The following CDC16 variants were observed in gnomAD, a reference collection of about 807,000 sequenced individuals.
CDC16 encodes cell division cycle protein 16 homolog.
Under a neutral mutation model 87.0 loss-of-function variants are expected in CDC16, and 34 were observed. The ratio of observed to expected loss-of-function variants is 0.39; its 90% confidence interval spans 0.30 to 0.52. The LOEUF (loss-of-function observed/expected upper bound fraction) is 0.52, where lower values mean the gene tolerates loss of function less well. Ranked by LOEUF, CDC16 falls within the 20% of genes least tolerant of loss-of-function variation. The pLI is 0.74. For synonymous variants in CDC16, 263 were observed against 260.6 expected (o/e 1.01, Z -0.09); for missense variants, 653 against 751.9 (o/e 0.87, Z 1.54).
In CDC16 at chr13:114,272,438, A is replaced by G; in HGVS notation, c.1858A>G (p.Thr620Ala). ...AGAGACATCTATGTCAGACCACAGC[A>G]CGTGACTCCAGTCAGTGGTCCTGGT... ...MLETSMSDHS[T>A] The change falls in exon 18 of 18, where the codon ACG becomes GCG. Residue 620 changes from threonine to alanine, a missense_variant. Thr to Ala is a moderately conservative substitution (Grantham distance 58). Transcript: ENST00000356221. 3 of 1,613,598 alleles carry G rather than the reference A, an allele frequency of 1.9e-6. No individual in the cohort carries two copies. The highest frequency in any genetic ancestry group is 2.5e-6 in the Non-Finnish European group (3 of 1,179,584).
intron 5 of CDC16, among the ~76,000 whole-genome samples, chr13:114,240,143 A>G (rs771077581): frequency 3.9e-5 from 6 of 152,074 alleles, no homozygotes; most frequent in Non-Finnish European, 7.4e-5. Flanking sequence ...ATTTTAGAAT[A>G]TTTTTATTAT....
intron 11 of CDC16, among the ~76,000 whole-genome samples, chr13:114,247,743 A>C (rs979758875): frequency 1.3e-5 from 2 of 152,050 alleles, no homozygotes; most frequent in Non-Finnish European, 2.9e-5. Context: ...CAGATATAGT[A>C]GTGGGCATCT....
At chr13:114,248,824 G>A (rs2082003534) in intron 11 of CDC16, among the ~76,000 whole-genome samples, 2 of 152,064 alleles carry the variant, frequency 1.3e-5, no homozygotes, top group African/African-American at 2.4e-5. Flanking sequence ...CATTTTAGAA[G>A]AACTTCTACA....
At chr13:114,250,058 C>T (rs936257910) in intron 11 of CDC16, among the ~76,000 whole-genome samples, 14 of 152,148 alleles carry the variant, frequency 9.2e-5, no homozygotes, top group South Asian at 2.1e-4. Context: ...CACAGTGGCT[C>T]GTGCCTGTAA....
rs544409136 is a variant in CDC16 at position 114,244,059 on chromosome 13, C to T, written c.767+70C>T. On this transcript the variant is annotated intron_variant, in intron 8 of 17. Coordinates refer to ENST00000356221, the MANE Select transcript of CDC16 (RefSeq NM_001078645.3). ...CCATCTTACCTAGGTGATTCACGGA[C>T]GTGCTCTCTGAATAATCTTGAACTA... 4.7e-5 allele frequency: 50 copies of T among 1,060,612 alleles called. No individual in the cohort carries two copies. The African/African-American group carries it at 5.2e-4, about 11-fold the overall frequency. The allele number at this position is 1,060,612 out of a possible 1,614,324, so 65.7% of individuals were successfully genotyped here.
intron 12 of CDC16, among the ~76,000 whole-genome samples, chr13:114,253,775 G>T (rs555003202): frequency 6.6e-6 from 1 of 151,788 alleles, no homozygotes; most frequent in Non-Finnish European, 1.5e-5. Context: ...TTCTGCTCTT[G>T]TTGGGTGAAG....
At chr13:114,253,580 C>T (rs369826247) in intron 12 of CDC16, among the ~76,000 whole-genome samples, 1 of 151,670 alleles carries the variant, frequency 6.6e-6, no homozygotes, top group East Asian at 1.9e-4. Flanking sequence ...GTCCCAGCTA[C>T]TCGGGAGGCT....
At chr13:114,246,099 T>C (rs371610353) in intron 10 of CDC16, 50 bp downstream of exon 10, 50 of 832,838 alleles carry the variant, frequency 6.0e-5, no homozygotes, top group Non-Finnish European at 9.1e-5. Context: ...ACCTGTACTT[T>C]AAGAAAATGC....
At chr13:114,269,998 G>C (rs1566693674) in intron 17 of CDC16, among the ~76,000 whole-genome samples, 1 of 152,176 alleles carries the variant, frequency 6.6e-6, no homozygotes, top group Non-Finnish European at 1.5e-5. Flanking sequence ...GAGCCACCAC[G>C]CCCAACAAAT....
At chr13:114,244,118 A>C (rs2081715195) in intron 8 of CDC16, 129 bp downstream of exon 8, 1 of 640,418 alleles carries the variant, frequency 1.6e-6, no homozygotes, top group Non-Finnish European at 2.7e-6. Context: ...CCAATTGTAG[A>C]GCACTGAACA....
Position 114,236,717 on chromosome 13 carries a change from A to T in CDC16, c.103+18A>T. The T allele has an allele frequency of 6.2e-7, 1 of 1,613,616 alleles. No homozygotes were observed. Among genetic ancestry groups the T allele is most frequent in the Non-Finnish European group, 8.5e-7 (1 of 1,179,942 alleles). ...CTCTCGTGGTAAGTGACAAAATGCT[A>T]ACTGGTTTTCTGATTAATCTTAAAA... is the stretch of plus-strand genomic sequence containing the variant. On this transcript the variant is annotated intron_variant, in intron 2 of 17. Transcript: ENST00000356221.
intron 1 of CDC16, 95 bp from the exon 2 acceptor site, chr13:114,236,550 A>T: frequency 1.0e-6 from 1 of 977,728 alleles, no homozygotes; most frequent in Non-Finnish European, 1.4e-6. Flanking sequence ...GAATTATATT[A>T]ATATATTACA....
intron 16 of CDC16, among the ~76,000 whole-genome samples, chr13:114,264,503 T>C (rs1467738115): frequency 6.6e-6 from 1 of 151,068 alleles, no homozygotes; most frequent in African/African-American, 2.4e-5. Flanking sequence ...GAGGTTGCAG[T>C]GAGCTGAGAT....
chr13:114,236,917 T>G, intron 3 of CDC16, 21 bp downstream of exon 3: 1 of 1,482,006 alleles, frequency 6.7e-7, no homozygotes, highest in South Asian at 1.2e-5. Flanking sequence ...GTATGAACTT[T>G]AAAGCTCTTC....
intron 12 of CDC16, among the ~76,000 whole-genome samples, chr13:114,255,781 T>G (rs1188540356): frequency 6.6e-6 from 1 of 152,174 alleles, no homozygotes; most frequent in Non-Finnish European, 1.5e-5. Flanking sequence ...TGTCTGGGAC[T>G]ACAAGCCCAT....
At chr13:114,265,612 A>G (rs769203961) in intron 17 of CDC16, among the ~76,000 whole-genome samples, 3 of 152,250 alleles carry the variant, frequency 2.0e-5, no homozygotes, top group Non-Finnish European at 4.4e-5. Context: ...GGGTATAACA[A>G]TATAAATCTT....
chr13:114,269,339 C>A (rs1368241818), intron 17 of CDC16, among the ~76,000 whole-genome samples: 2 of 152,116 alleles, frequency 1.3e-5, no homozygotes, highest in Non-Finnish European at 2.9e-5. Context: ...ACGTTCTGTT[C>A]CATCAGTACA....
chr13:114,244,031 A>G, intron 8 of CDC16, 42 bp downstream of exon 8: 1 of 1,433,774 alleles, frequency 7.0e-7, no homozygotes, highest in Non-Finnish European at 9.8e-7. Context: ...CATGGAGTTC[A>G]CTCCATCTTA....
At chr13:114,267,426 G>A (rs928327429) in intron 17 of CDC16, among the ~76,000 whole-genome samples, 61 of 152,220 alleles carry the variant, frequency 4.0e-4, no homozygotes, top group Admixed American at 2.6e-3. Flanking sequence ...ACTTGAACCC[G>A]GGAGGCAGAG....
Sources: gnomAD v4.1 joint callset for allele counts (sites outside exome capture counted in the v4.1 genomes callset) on GRCh38, gnomAD v4.1.1 for gene constraint, MANE v1.5 for transcripts, NCBI Gene and HGNC (gene_info 2026-07-23, HGNC 2026-07-21) for gene names.